Variants in DNM3 observed in about 807,000 individuals in gnomAD.
DNM3 encodes dynamin-3.
In DNM3, 47 loss-of-function variants were observed where a neutral mutation model predicts 101.6. That is an observed-to-expected ratio of 0.46 (90% CI 0.37 to 0.59). DNM3 has a LOEUF of 0.59. Ranked by LOEUF, DNM3 falls within the 20% of genes least tolerant of loss-of-function variation. The probability of loss-of-function intolerance (pLI) is 0.00; values close to 1 mark genes in which losing one functional copy is unlikely to be tolerated. For synonymous variants in DNM3, 385 were observed against 387.9 expected (o/e 0.99, Z 0.09); for missense variants, 849 against 1,085.7 (o/e 0.78, Z 3.06).
In DNM3 at chr1:172,033,144, A is replaced by G. The variant is rs748083260; in HGVS notation, c.728A>G (p.Asp243Gly). ...GVVNRSQKDI[D>G]GKKDIKAAML... Reference sequence around the variant, plus strand: ...GTAAACAGAAGCCAGAAGGACATAGATGGGAAGAAGGACATAAAGGCAGCC... The same window carrying G: ...GTAAACAGAAGCCAGAAGGACATAGGTGGGAAGAAGGACATAAAGGCAGCC... Residue 243 changes from aspartate (D) to glycine (G), a missense_variant, in exon 6 of 21, where the codon GAT becomes GGT. Asp to Gly is a moderately conservative substitution (Grantham distance 94). Around this residue, in one of 5 missense-constraint regions of DNM3, gnomAD observed 388 missense variants for 483.0 expected, o/e 0.80. Coordinates refer to ENST00000627582, the MANE Select transcript of DNM3 (RefSeq NM_015569.5). 1.9e-6 allele frequency: 3 copies of G among 1,612,644 alleles called. No individual in the cohort carries two copies. In the South Asian group the frequency reaches 3.3e-5, roughly 18 times the overall value.
chr1:172,350,900 G>A (rs1168070617), intron 17 of DNM3, among the ~76,000 whole-genome samples: 1 of 152,132 alleles, frequency 6.6e-6, no homozygotes, highest in Non-Finnish European at 1.5e-5. Context: ...CCAAAATGGA[G>A]CCTGTCTGAA....
At chr1:171,992,313 G>A (rs1454684495) in intron 4 of DNM3, among the ~76,000 whole-genome samples, 2 of 152,072 alleles carry the variant, frequency 1.3e-5, no homozygotes, top group Non-Finnish European at 2.9e-5. Context: ...AGATCATTAG[G>A]TGAGAGCAAT....
chr1:172,320,397 GA>G (rs11345178), intron 16 of DNM3, among the ~76,000 whole-genome samples: 72,470 of 139,306 alleles, frequency 0.52, 19,002 homozygotes, highest in African/African-American at 0.7. Context: ...ATAAAAAAAA[GA>G]AAAAAAAAAA....
intron 1 of DNM3, among the ~76,000 whole-genome samples, chr1:171,849,612 A>G (rs2032667286): frequency 6.6e-6 from 1 of 152,194 alleles, no homozygotes; most frequent in Non-Finnish European, 1.5e-5. Flanking sequence ...AGCCTTCTTT[A>G]AAGAAAGCAT....
chr1:172,091,692 G>T (rs527667305), intron 12 of DNM3, among the ~76,000 whole-genome samples: 2 of 152,294 alleles, frequency 1.3e-5, no homozygotes, highest in South Asian at 4.1e-4. Context: ...GTAGACCCTT[G>T]TATGGACTTT....
chr1:172,050,233 C>G (rs762261086), intron 10 of DNM3, among the ~76,000 whole-genome samples: 4 of 152,136 alleles, frequency 2.6e-5, no homozygotes, highest in Non-Finnish European at 4.4e-5. Context: ...ACATTTAAAG[C>G]TCTCTTAATT....
intron 15 of DNM3, among the ~76,000 whole-genome samples, chr1:172,292,577 G>A (rs1477238137): frequency 1.3e-5 from 2 of 149,058 alleles, no homozygotes; most frequent in African/African-American, 5.0e-5. Context: ...TTGGCTGAAG[G>A]GTTGGCTTAG....
At chr1:172,418,316 A>C in exon 21 of DNM3, 1 of 1,289,162 alleles carries the variant, frequency 7.8e-7, no homozygotes, top group Non-Finnish European at 1.0e-6. Flanking sequence ...CGACCATCCT[A>C]ACCCCCATCA....
chr1:172,012,888 A>G (rs1197420290), intron 4 of DNM3, among the ~76,000 whole-genome samples: 1 of 152,048 alleles, frequency 6.6e-6, no homozygotes, highest in Non-Finnish European at 1.5e-5. Flanking sequence ...ACTCAGGGAA[A>G]ACTTAGAGAA....
chr1:172,077,497 A>G (rs2052761248), intron 11 of DNM3, among the ~76,000 whole-genome samples: 1 of 152,172 alleles, frequency 6.6e-6, no homozygotes. Flanking sequence ...TGTCGCAGAG[A>G]TTCTGGTACA....
At chr1:171,851,657 G>T (rs1292644742) in intron 1 of DNM3, among the ~76,000 whole-genome samples, 1 of 152,158 alleles carries the variant, frequency 6.6e-6, no homozygotes, top group African/African-American at 2.4e-5. Context: ...CAGGTGATTT[G>T]CCCGCCTCTG....
chr1:172,359,227 G>T (rs185187363), intron 17 of DNM3, among the ~76,000 whole-genome samples: 1 of 151,618 alleles, frequency 6.6e-6, no homozygotes, highest in Non-Finnish European at 1.5e-5. Flanking sequence ...TGTTGTTTTT[G>T]GCTTGAGGCC....
chr1:172,279,335 A>G (rs965323599), intron 15 of DNM3, among the ~76,000 whole-genome samples: 7 of 152,196 alleles, frequency 4.6e-5, no homozygotes, highest in Non-Finnish European at 8.8e-5. Context: ...ATACTAGTGT[A>G]TGGGTGTTTG....
chr1:172,220,451 C>T (rs2060866449), intron 14 of DNM3, among the ~76,000 whole-genome samples: 1 of 152,132 alleles, frequency 6.6e-6, no homozygotes, highest in South Asian at 2.1e-4. Flanking sequence ...GCTCAAGAAT[C>T]AATGCTTCAA....
chr1:172,115,665 C>T (rs2055838218), intron 13 of DNM3, among the ~76,000 whole-genome samples: 1 of 152,202 alleles, frequency 6.6e-6, no homozygotes, highest in African/African-American at 2.4e-5. Flanking sequence ...ACTGTTCCCT[C>T]TTCCCGGAAT....
intron 2 of DNM3, among the ~76,000 whole-genome samples, chr1:171,927,194 C>A (rs2040640573): frequency 6.6e-6 from 1 of 152,168 alleles, no homozygotes; most frequent in South Asian, 2.1e-4. Flanking sequence ...ACTATGTTAG[C>A]AAGATTTCAG....
chr1:171,878,440 A>G (rs1383728358), intron 1 of DNM3, among the ~76,000 whole-genome samples: 1 of 151,654 alleles, frequency 6.6e-6, no homozygotes, highest in Non-Finnish European at 1.5e-5. Flanking sequence ...ATTTTTGGAA[A>G]TTTATTCATA....
intron 17 of DNM3, among the ~76,000 whole-genome samples, chr1:172,333,756 G>T (rs1232023226): frequency 1.3e-5 from 2 of 152,088 alleles, no homozygotes; most frequent in East Asian, 1.9e-4. Context: ...AACTAACTGA[G>T]TTATCCCTAA....
intron 13 of DNM3, among the ~76,000 whole-genome samples, chr1:172,096,368 A>G (rs2054243928): frequency 2.0e-5 from 3 of 152,220 alleles, no homozygotes; most frequent in African/African-American, 7.2e-5. Flanking sequence ...AAGGCTTTGA[A>G]GGTGAGACAA....
Sources: allele counts gnomAD v4.1 joint callset (sites outside exome capture counted in the v4.1 genomes callset), GRCh38; gene constraint gnomAD v4.1.1; regional missense constraint gnomAD v4.1.1; transcripts MANE v1.5; gene names NCBI Gene and HGNC (gene_info 2026-07-23, HGNC 2026-07-21).